Variants in CPNE8 observed in about 807,000 individuals in gnomAD.
The protein encoded by CPNE8 is copine 8.
CPNE8 carries 45 observed loss-of-function variants against 81.5 expected under a neutral mutation model. The ratio of observed to expected loss-of-function variants is 0.55; its 90% CI spans 0.44 to 0.71. The LOEUF is 0.71. Among genes scored for constraint, CPNE8 ranks in the 30% least tolerant of loss-of-function variants. The probability of loss-of-function intolerance (pLI) is 0.00; values close to 1 mark genes in which losing one functional copy is unlikely to be tolerated. For synonymous variants in CPNE8, 252 were observed against 226.3 expected (o/e 1.11, Z -1.02); for missense variants, 594 against 672.1 (o/e 0.88, Z 1.28).
chr12:38,801,292 G>C (rs2136959592), intron 6 of CPNE8, among the ~76,000 whole-genome samples: 1 of 30,406 alleles, frequency 3.3e-5, no homozygotes, highest in African/African-American at 1.4e-4. Context: ...AAGCCCATCA[G>C]ACTAACAGCG....
intron 14 of CPNE8, among the ~76,000 whole-genome samples, chr12:38,699,189 A>T (rs1223741684): frequency 6.6e-6 from 1 of 152,116 alleles, no homozygotes; most frequent in Admixed American, 6.6e-5. Context: ...GAGTTGTTGG[A>T]CTATAAGTTT....
chr12:38,906,320 G>C (rs1030881018), upstream of CPNE8: 5 of 958,760 alleles, frequency 5.2e-6, no homozygotes, highest in South Asian at 1.9e-4. Flanking sequence ...CAATATATGG[G>C]ACAAGTGGGG....
At position 38,756,834 on chromosome 12, in the gene CPNE8, G is replaced by A. The variant is rs141132396; in HGVS notation, c.722+4013C>T. ...TGGCAGCCCCTAGCCACATGCTGCT[G>A]TAACTTCAAATGTAGGTAGTCTGAA... On this transcript the variant is annotated intron_variant, in intron 10 of 19. Transcript: ENST00000331366. Among the ~76,000 whole-genome samples the A allele has an allele frequency of 4.1e-4, 62 of 152,276 alleles. No homozygotes were observed. The East Asian group carries it at 6.8e-3, about 17-fold the overall frequency.
intron 3 of CPNE8, among the ~76,000 whole-genome samples, chr12:38,855,931 CA>C (rs1432873878): frequency 6.6e-6 from 1 of 151,394 alleles, no homozygotes; most frequent in Admixed American, 6.6e-5. Context: ...AACCAAAGAA[CA>C]AATAAAACAA....
At chr12:38,693,567 C>T (rs1226812800) in intron 15 of CPNE8, 90 bp downstream of exon 15, 9 of 1,161,070 alleles carry the variant, frequency 7.8e-6, no homozygotes, top group Non-Finnish European at 1.1e-5. Flanking sequence ...AAGCTTGCTA[C>T]TTGACTGACT....
chr12:38,662,974 T>TA (rs969798854), intron 19 of CPNE8, among the ~76,000 whole-genome samples: 10 of 151,654 alleles, frequency 6.6e-5, no homozygotes, highest in Non-Finnish European at 1.0e-4. Context: ...TCTATCACCA[T>TA]AAAAAAAATC....
At chr12:38,869,527 T>G (rs1183361835) in intron 3 of CPNE8, among the ~76,000 whole-genome samples, 3 of 152,218 alleles carry the variant, frequency 2.0e-5, no homozygotes, top group Non-Finnish European at 4.4e-5. Flanking sequence ...AATGGTTTTG[T>G]GGGGCTTAGT....
chr12:38,739,350 T>C (rs1463484823), intron 10 of CPNE8, among the ~76,000 whole-genome samples: 1 of 152,118 alleles, frequency 6.6e-6, no homozygotes, highest in African/African-American at 2.4e-5. Context: ...CCGGAAACTA[T>C]GAAGTAAAAT....
chr12:38,893,538 A>G (rs1032379258), intron 1 of CPNE8, among the ~76,000 whole-genome samples: 5 of 152,212 alleles, frequency 3.3e-5, no homozygotes, highest in African/African-American at 1.2e-4. Context: ...AATAACCATA[A>G]AAATGGGCAA....
intron 1 of CPNE8, among the ~76,000 whole-genome samples, chr12:38,894,427 A>G (rs147313105): frequency 2.0e-3 from 300 of 152,230 alleles, no homozygotes; most frequent in African/African-American, 6.7e-3. Context: ...CCTTTCCCCA[A>G]TGCCTACAAG....
At chr12:38,778,433 G>A (rs1254664743) in intron 6 of CPNE8, among the ~76,000 whole-genome samples, 1 of 152,238 alleles carries the variant, frequency 6.6e-6, no homozygotes, top group Admixed American at 6.5e-5. Context: ...AAAACTATGG[G>A]TTTCACTGTT....
intron 14 of CPNE8, among the ~76,000 whole-genome samples, chr12:38,699,393 T>C (rs1939877636): frequency 6.6e-6 from 1 of 152,244 alleles, no homozygotes; most frequent in African/African-American, 2.4e-5. Context: ...CTAATATTTA[T>C]GCATTTATAT....
intron 15 of CPNE8, among the ~76,000 whole-genome samples, chr12:38,687,498 C>T (rs1164901047): frequency 2.0e-5 from 3 of 150,248 alleles, no homozygotes; most frequent in African/African-American, 4.9e-5. Context: ...TTGCCTGTCT[C>T]AGCCTCCCAA....
intron 10 of CPNE8, among the ~76,000 whole-genome samples, chr12:38,738,687 C>T (rs548530534): frequency 1.3e-5 from 2 of 152,188 alleles, no homozygotes; most frequent in African/African-American, 4.8e-5. Context: ...GGATTGGGTA[C>T]ACATTTTAAT....
chr12:38,707,277 G>A (rs1000116432), intron 13 of CPNE8, among the ~76,000 whole-genome samples: 1 of 152,146 alleles, frequency 6.6e-6, no homozygotes, highest in African/African-American at 2.4e-5. Context: ...TTGCACTGCT[G>A]CACTCCAGCT....
intron 6 of CPNE8, among the ~76,000 whole-genome samples, chr12:38,814,444 G>C (rs1428751964): frequency 6.7e-6 from 1 of 149,776 alleles, no homozygotes; most frequent in South Asian, 2.1e-4. Flanking sequence ...AGCCTCCTGA[G>C]TAACTGGGAC....
intron 19 of CPNE8, among the ~76,000 whole-genome samples, chr12:38,660,087 C>T (rs1324030871): frequency 1.3e-5 from 2 of 152,206 alleles, no homozygotes; most frequent in South Asian, 2.1e-4. Context: ...CTACCGATGA[C>T]TTTCTTCACA....
intron 11 of CPNE8, among the ~76,000 whole-genome samples, chr12:38,728,174 A>T (rs1197288941): frequency 1.3e-5 from 2 of 152,212 alleles, no homozygotes; most frequent in Non-Finnish European, 2.9e-5. Context: ...CAAAAATAAG[A>T]TATGCAAAGA....
intron 1 of CPNE8, among the ~76,000 whole-genome samples, chr12:38,880,597 T>C (rs567409176): frequency 7.9e-5 from 12 of 152,282 alleles, no homozygotes; most frequent in Admixed American, 7.2e-4. Flanking sequence ...TATGTTATCT[T>C]ATGGACTGGA....
Sources: gnomAD v4.1 joint callset for allele counts (sites outside exome capture counted in the v4.1 genomes callset) on GRCh38, gnomAD v4.1.1 for gene constraint, MANE v1.5 for transcripts, NCBI Gene and HGNC (gene_info 2026-07-23, HGNC 2026-07-21) for gene names.